Variants in NDUFS2 observed in about 807,000 individuals in gnomAD.
NDUFS2 encodes NADH dehydrogenase [ubiquinone] iron-sulfur protein 2, mitochondrial.
In NDUFS2, 38 loss-of-function variants were observed where a neutral mutation model predicts 69.6. The observed-to-expected ratio is 0.55, with a 90% confidence interval of 0.42 to 0.72. NDUFS2 has a LOEUF of 0.72. NDUFS2 is among the 30% of genes least tolerant of loss of function. NDUFS2 has a pLI of 0.00. For synonymous variants in NDUFS2, 194 were observed against 211.2 expected, an observed-to-expected ratio of 0.92 and a Z score of 0.70; for missense variants, 468 against 595.0, an observed-to-expected ratio of 0.79 and a Z score of 2.22.
chr1:161,198,721 G>T, upstream of NDUFS2: 1 of 1,227,402 alleles, frequency 8.1e-7, no homozygotes, highest in Non-Finnish European at 1.1e-6. The surrounding 1 kb of genome is among the most constrained non-coding windows in gnomAD (Gnocchi z 4.7). Context: ...GTAGCCTGGG[G>T]GCTTGGACTC....
intron 13 of NDUFS2, 22 bp downstream of exon 13, chr1:161,213,943 AGAGGTAT>A: frequency 1.2e-6 from 2 of 1,614,172 alleles, no homozygotes; most frequent in Non-Finnish European, 1.7e-6. Flanking sequence ...ATTGTGTAGT[AGAGGTAT>A]CCTAGACAAA....
At chr1:161,206,822 C>A (rs578205548) in intron 3 of NDUFS2, among the ~76,000 whole-genome samples, 6 of 152,324 alleles carry the variant, frequency 3.9e-5, no homozygotes, top group South Asian at 2.1e-4. Flanking sequence ...CTATACTCAG[C>A]TTTTCTCTGG....
intron 2 of NDUFS2, among the ~76,000 whole-genome samples, chr1:161,204,737 C>T (rs1298050861): frequency 6.6e-6 from 1 of 152,060 alleles, no homozygotes; most frequent in Non-Finnish European, 1.5e-5. Flanking sequence ...GAGTATTACC[C>T]CAGTTGTGAG....
chr1:161,198,867 T>C, upstream of NDUFS2: 1 of 456,372 alleles, frequency 2.2e-6, no homozygotes, highest in East Asian at 3.3e-5. The surrounding 1 kb of genome is among the most constrained non-coding windows in gnomAD (Gnocchi z 4.7). Context: ...CCTCCTTTCC[T>C]GGATCTTTGT....
chr1:161,206,418 C>T lies in NDUFS2; in HGVS notation c.214C>T (p.Pro72Ser). ...KPPPWNDVDP[P>S]KDTIVKNITL... Reference sequence around the variant, plus strand: ...TTCTTACTTCTCAGATGTGGACCCTCCAAAGGACACAATTGTGAAGAACAT... The same window carrying T: ...TTCTTACTTCTCAGATGTGGACCCTTCAAAGGACACAATTGTGAAGAACAT... The change falls in exon 3 of 14, where the codon CCA (proline) becomes TCA (serine). Residue 72 changes from proline to serine, a missense_variant. By Grantham distance (74) the Pro-to-Ser change is moderately conservative (BLOSUM62 -1). Coordinates refer to ENST00000676972, the MANE Select transcript of NDUFS2 (RefSeq NM_001377299.1). 1 of 1,614,246 alleles carries T rather than the reference C, an allele frequency of 6.2e-7. No individual in the cohort carries two copies. The highest frequency in any genetic ancestry group is 8.5e-7 in the Non-Finnish European group (1 of 1,180,048).
At chr1:161,200,340 T>C (rs1023370105), upstream of NDUFS2, among the ~76,000 whole-genome samples, 6 of 152,088 alleles carry the variant, frequency 3.9e-5, no homozygotes, top group African/African-American at 1.4e-4. Context: ...GTCTTGGGTA[T>C]GAACTCTCAA....
At chr1:161,209,078 T>G (rs1324765426) in intron 3 of NDUFS2, 115 bp from the exon 4 acceptor site, 3 of 1,413,948 alleles carry the variant, frequency 2.1e-6, no homozygotes, top group African/African-American at 1.4e-5. Context: ...CTCCTGAGAC[T>G]AGAAAGGCTT....
At chr1:161,207,108 T>C (rs977654236) in intron 3 of NDUFS2, among the ~76,000 whole-genome samples, 1 of 152,166 alleles carries the variant, frequency 6.6e-6, no homozygotes, top group African/African-American at 2.4e-5. Flanking sequence ...TTTGAAGGAG[T>C]TGGATCTCTA....
intron 9 of NDUFS2, among the ~76,000 whole-genome samples, chr1:161,211,171 G>A (rs529149273): frequency 1.3e-5 from 2 of 152,208 alleles, no homozygotes; most frequent in African/African-American, 2.4e-5. Context: ...CACCACACCC[G>A]GCCTATGGCA....
chr1:161,198,042 C>CGTT (rs764543601), upstream of NDUFS2: 3 of 1,596,710 alleles, frequency 1.9e-6, no homozygotes, highest in Non-Finnish European at 2.6e-6. The surrounding 1 kb of genome is among the most constrained non-coding windows in gnomAD (Gnocchi z 4.7). Context: ...GGAGCCTTGA[C>CGTT]GTTGCACATG....
chr1:161,207,817 G>A (rs1048960427), intron 3 of NDUFS2, among the ~76,000 whole-genome samples: 3 of 149,658 alleles, frequency 2.0e-5, no homozygotes, highest in Non-Finnish European at 3.0e-5. Flanking sequence ...TTTTTTGTTT[G>A]TTTTGTTTTT....
upstream of NDUFS2, chr1:161,198,460 G>A (rs775216087): frequency 2.2e-5 from 34 of 1,573,240 alleles, 1 homozygote; most frequent in South Asian, 3.9e-4. This position sits in a 1 kb window ranked among gnomAD's most constrained non-coding sequence, Gnocchi z 4.7. Flanking sequence ...CCTCCTCCCG[G>A]GGGAGGGGGC....
At chr1:161,205,592 T>C (rs900327290) in intron 2 of NDUFS2, among the ~76,000 whole-genome samples, 1 of 152,144 alleles carries the variant, frequency 6.6e-6, no homozygotes, top group African/African-American at 2.4e-5. Flanking sequence ...ATGTACTTCT[T>C]TCGCAAATTA....
rs79181095 is a variant in NDUFS2 at position 161,206,729 on chromosome 1, G to A, written c.393+132G>A. On this transcript the variant is annotated intron_variant, in intron 3 of 13. Transcript: ENST00000676972. ...GAGTAACCCGTTGAGATTACTCTTG[G>A]TTGGGTGGATGGAGGGAAGTGGCAG... 73,417 of 961,256 alleles carry A rather than the reference G, an allele frequency of 0.076. 3,324 individuals are homozygous for A. Among genetic ancestry groups the A allele is most frequent in the Middle Eastern group, 0.12 (349 of 3,004 alleles). 59.5% of individuals were successfully genotyped at this position (961,256 alleles called of 1,614,324 possible).
Position 161,209,301 on chromosome 1 carries a change from C to G in NDUFS2, c.502C>G (p.Gln168Glu). ...AAACATCCGGCCTCCTCCTCGGGCA[C>G]AGTGGATCCGAGGTATGTCCCCCCA... ...LLNIRPPPRA[Q>E]WIRVLFGEIT... The change falls in exon 4 of 14, where the codon CAG becomes GAG. Residue 168 changes from glutamine to glutamate, a missense_variant. This residue lies in a region of NDUFS2 where 339 missense variants were observed against 433.8 expected (regional missense o/e 0.78). Transcript: ENST00000676972. 6.2e-7 allele frequency: 1 copy of G among 1,614,158 alleles called. No individual in the cohort carries two copies. Among genetic ancestry groups the G allele is most frequent in the East Asian group, 2.2e-5 (1 of 44,878 alleles).
intron 2 of NDUFS2, 38 bp downstream of exon 2, chr1:161,203,581 C>A: frequency 6.7e-7 from 1 of 1,498,954 alleles, no homozygotes. Context: ...CCACACCCAT[C>A]CCTGCCCCCA....
At chr1:161,206,348 T>G (rs932190827) in intron 2 of NDUFS2, 59 bp from the exon 3 acceptor site, 3 of 1,581,114 alleles carry the variant, frequency 1.9e-6, no homozygotes, top group Non-Finnish European at 2.6e-6. Context: ...CTCCTTGCTA[T>G]CTTTTGGGGG....
chr1:161,206,143 T>G (rs1313017418), intron 2 of NDUFS2, among the ~76,000 whole-genome samples: 2 of 151,920 alleles, frequency 1.3e-5, no homozygotes, highest in Admixed American at 1.3e-4. Context: ...AAAGATATTC[T>G]ATGCACACTG....
At chr1:161,214,125 C>T (rs1457542752) in intron 13 of NDUFS2, 31 bp from the exon 14 acceptor site, 1 of 1,614,002 alleles carries the variant, frequency 6.2e-7, no homozygotes, top group Admixed American at 1.7e-5. Context: ...AGATAAGTAA[C>T]ATCACTTTTT....
Sources: gnomAD v4.1 joint callset for allele counts (sites outside exome capture counted in the v4.1 genomes callset) on GRCh38, gnomAD v4.1.1 for gene constraint, gnomAD v4.1.1 regional missense constraint, Gnocchi (gnomAD v3.1) non-coding constraint, MANE v1.5 for transcripts, NCBI Gene and HGNC (gene_info 2026-07-23, HGNC 2026-07-21) for gene names.